The following CWC27 variants were observed in gnomAD, a reference collection of about 807,000 sequenced individuals.
The protein encoded by CWC27 is CWC27 spliceosome associated cyclophilin, also known as spliceosome-associated protein CWC27 homolog.
CWC27 carries 47 observed loss-of-function variants against 63.6 expected under a neutral mutation model. The observed-to-expected ratio is 0.74, with a 90% CI of 0.58 to 0.94. The LOEUF is 0.94. Ranked by LOEUF, CWC27 falls within the 40% of genes least tolerant of loss-of-function variation. The probability of loss-of-function intolerance (pLI) is 0.00; values close to 1 mark genes in which losing one functional copy is unlikely to be tolerated. For missense variants in CWC27, 495 were observed against 554.3 expected, an observed-to-expected ratio of 0.89 and a Z score of 1.07; for synonymous variants, 175 against 179.8, an observed-to-expected ratio of 0.97 and a Z score of 0.22.
intron 11 of CWC27, among the ~76,000 whole-genome samples, chr5:64,908,075 G>A (rs551718938): frequency 4.6e-5 from 7 of 152,142 alleles, no homozygotes; most frequent in African/African-American, 9.7e-5. Flanking sequence ...AGAGATTCTG[G>A]TACATTGCGT....
intron 10 of CWC27, among the ~76,000 whole-genome samples, chr5:64,879,232 A>C (rs1316634125): frequency 6.6e-6 from 1 of 152,038 alleles, no homozygotes; most frequent in Non-Finnish European, 1.5e-5. Context: ...AGGAGCTAAC[A>C]TTATCAATCT....
chr5:64,805,930 G>C (rs1232187883), intron 10 of CWC27, among the ~76,000 whole-genome samples: 1 of 152,092 alleles, frequency 6.6e-6, no homozygotes, highest in Non-Finnish European at 1.5e-5. Flanking sequence ...GACCAAACAT[G>C]GCATTGATAG....
At chr5:64,928,704 A>G (rs1053000307) in intron 11 of CWC27, among the ~76,000 whole-genome samples, 2 of 152,198 alleles carry the variant, frequency 1.3e-5, no homozygotes, top group South Asian at 4.1e-4. Flanking sequence ...ATAGGGAGGC[A>G]ATGATACCTG....
chr5:64,940,930 T>TCTGCCTCCTGAGTTCAAGCGATTCTC (rs1748466138), intron 11 of CWC27, among the ~76,000 whole-genome samples: 2 of 136,910 alleles, frequency 1.5e-5, no homozygotes, highest in African/African-American at 5.4e-5. Context: ...CACTGCACCC[T>TCTGCCTCCTGAGTTCAAGCGATTCTC]CTGCCTCCTG....
intron 11 of CWC27, among the ~76,000 whole-genome samples, chr5:64,905,237 G>A (rs73107238): frequency 0.09 from 12,926 of 144,154 alleles, 1,852 homozygotes; most frequent in African/African-American, 0.31. Flanking sequence ...CCTAATGAAT[G>A]CATATCTTTT....
rs558853629 is a variant in CWC27, at chr5:65,012,748, A to C, written c.1257-5411A>C. Among the ~76,000 whole-genome samples, 9 of 152,316 alleles carry C rather than the reference A, an allele frequency of 5.9e-5. No individual in the cohort carries two copies. The East Asian group carries it at 1.7e-3, about 29-fold the overall frequency. Reference sequence around the variant, plus strand: ...CTTGAGTTTCTTTGAGTAGTTTGTCATTAGGAACCAGCTGTTCTCCATCTC... The same window carrying C: ...CTTGAGTTTCTTTGAGTAGTTTGTCCTTAGGAACCAGCTGTTCTCCATCTC... On this transcript the variant is annotated intron_variant, in intron 13 of 13. Transcript: ENST00000381070.
intron 3 of CWC27, 64 bp from the exon 4 acceptor site, chr5:64,783,772 T>C: frequency 7.3e-7 from 1 of 1,368,096 alleles, no homozygotes; most frequent in Non-Finnish European, 9.6e-7. Flanking sequence ...GCAGGTCAAG[T>C]TGAATAACTG....
At chr5:64,876,193 A>G (rs1221028440) in intron 10 of CWC27, among the ~76,000 whole-genome samples, 2 of 152,118 alleles carry the variant, frequency 1.3e-5, no homozygotes, top group African/African-American at 4.8e-5. Flanking sequence ...TGGTGAACCT[A>G]CATCTCTGCT....
intron 11 of CWC27, among the ~76,000 whole-genome samples, chr5:64,890,831 T>A (rs1457925758): frequency 6.6e-6 from 1 of 152,084 alleles, no homozygotes; most frequent in Non-Finnish European, 1.5e-5. Flanking sequence ...GTGAAGTATA[T>A]CTCAATAATT....
At chr5:64,975,504 T>C (rs1391014249) in intron 12 of CWC27, among the ~76,000 whole-genome samples, 1 of 152,130 alleles carries the variant, frequency 6.6e-6, no homozygotes, top group Admixed American at 6.5e-5. Context: ...TCTGTAAATA[T>C]GTTGAATAGA....
chr5:64,811,767 A>C (rs1022142608), intron 10 of CWC27, among the ~76,000 whole-genome samples: 10 of 152,100 alleles, frequency 6.6e-5, no homozygotes, highest in Non-Finnish European at 1.0e-4. Flanking sequence ...ATATAACTAT[A>C]ATGATAGCAT....
intron 10 of CWC27, among the ~76,000 whole-genome samples, chr5:64,846,746 C>G (rs374415877): frequency 7.9e-5 from 12 of 152,220 alleles, no homozygotes; most frequent in African/African-American, 2.6e-4. Context: ...GTAATCCCAG[C>G]ACTTTGGGAG....
intron 7 of CWC27, among the ~76,000 whole-genome samples, chr5:64,795,341 T>A (rs1056852866): frequency 6.6e-6 from 1 of 152,218 alleles, no homozygotes; most frequent in Non-Finnish European, 1.5e-5. Flanking sequence ...TTAACATATT[T>A]TATTAATTTC....
chr5:64,891,182 T>C (rs1747226733), intron 11 of CWC27, among the ~76,000 whole-genome samples: 1 of 152,196 alleles, frequency 6.6e-6, no homozygotes, highest in African/African-American at 2.4e-5. Context: ...TATTCTTTAA[T>C]AAGATAGAGA....
intron 1 of CWC27, 49 bp from the exon 2 acceptor site, chr5:64,774,642 A>C: frequency 8.8e-7 from 1 of 1,138,956 alleles, no homozygotes; most frequent in Non-Finnish European, 1.2e-6. Context: ...TATTCAACTG[A>C]TTATTAAGCA....
intron 11 of CWC27, among the ~76,000 whole-genome samples, chr5:64,936,012 G>A (rs1007035764): frequency 1.3e-5 from 2 of 152,110 alleles, no homozygotes; most frequent in African/African-American, 2.4e-5. Context: ...GAGATGATGT[G>A]GTTTTCTAAA....
intron 11 of CWC27, among the ~76,000 whole-genome samples, chr5:64,895,468 T>G (rs1203275433): frequency 1.3e-5 from 2 of 152,166 alleles, no homozygotes; most frequent in East Asian, 1.9e-4. Flanking sequence ...CCCTTGATCT[T>G]AAGTGCCTGT....
chr5:64,937,624 C>T (rs1245219040), intron 11 of CWC27, among the ~76,000 whole-genome samples: 2 of 152,164 alleles, frequency 1.3e-5, no homozygotes, highest in African/African-American at 2.4e-5. Flanking sequence ...TGGTCCAGAG[C>T]TGAGTTCAAA....
At chr5:64,801,164 T>A (rs755052069) in intron 8 of CWC27, 138 bp from the exon 9 acceptor site, 1 of 783,264 alleles carries the variant, frequency 1.3e-6, no homozygotes, top group Non-Finnish European at 1.9e-6. Flanking sequence ...TGTTCTATAA[T>A]GCCTTTCTTA....
Sources: allele counts gnomAD v4.1 joint callset (sites outside exome capture counted in the v4.1 genomes callset), GRCh38; gene constraint gnomAD v4.1.1; transcripts MANE v1.5; gene names NCBI Gene and HGNC (gene_info 2026-07-23, HGNC 2026-07-21).